Variants in GRXCR2 observed in about 807,000 individuals in gnomAD.
GRXCR2 encodes glutaredoxin domain-containing cysteine-rich protein 2.
GRXCR2 carries 23 observed loss-of-function variants against 24.8 expected under a neutral mutation model. The observed-to-expected ratio is 0.93, with a 90% CI of 0.67 to 1.32. GRXCR2 has a LOEUF of 1.32. GRXCR2 is among the 40% of genes most tolerant of loss of function. The pLI is 0.00. For synonymous variants in GRXCR2, 130 were observed against 116.1 expected (o/e 1.12, Z -0.77); for missense variants, 315 against 303.4 (o/e 1.04, Z -0.28).
chr5:145,911,829 C>T (rs141827190), intron 2 of GRXCR2, among the ~76,000 whole-genome samples: 206 of 152,308 alleles, frequency 1.4e-3, no homozygotes, highest in African/African-American at 4.7e-3. Flanking sequence ...TGGCTCACAC[C>T]TGTAATCCCA....
chr5:145,926,708 C>T (rs1269998680), intron 2 of GRXCR2, among the ~76,000 whole-genome samples: 1 of 152,130 alleles, frequency 6.6e-6, no homozygotes, highest in African/African-American at 2.4e-5. Context: ...CTTGGCAATG[C>T]AGGCTCTTTT....
At chr5:145,891,387 A>G (rs967911080) in intron 2 of GRXCR2, among the ~76,000 whole-genome samples, 1 of 152,188 alleles carries the variant, frequency 6.6e-6, no homozygotes, top group Non-Finnish European at 1.5e-5. Context: ...TTCCTAGTCA[A>G]AGAAAGGGGT....
intron 2 of GRXCR2, among the ~76,000 whole-genome samples, chr5:145,902,390 C>T (rs1387985626): frequency 6.6e-6 from 1 of 152,124 alleles, no homozygotes; most frequent in East Asian, 1.9e-4. Context: ...GAATGTGATC[C>T]AATGTGCCCG....
At chr5:145,911,165 A>G (rs1421094064) in intron 2 of GRXCR2, among the ~76,000 whole-genome samples, 1 of 152,200 alleles carries the variant, frequency 6.6e-6, no homozygotes, top group African/African-American at 2.4e-5. Flanking sequence ...CCACAAATTA[A>G]TGAACACATC....
At chr5:145,878,807 G>T (rs1422921307) in intron 2 of GRXCR2, among the ~76,000 whole-genome samples, 4 of 152,222 alleles carry the variant, frequency 2.6e-5, no homozygotes, top group Non-Finnish European at 4.4e-5. Context: ...GAAAGGTCAG[G>T]TTACCCATAA....
At chr5:145,890,643 G>A (rs1756849715) in intron 2 of GRXCR2, among the ~76,000 whole-genome samples, 1 of 152,124 alleles carries the variant, frequency 6.6e-6, no homozygotes, top group Non-Finnish European at 1.5e-5. Flanking sequence ...GGAAGCAAAA[G>A]AATGATACCT....
chr5:145,921,610 G>T (rs935392128), intron 2 of GRXCR2, among the ~76,000 whole-genome samples: 1 of 152,236 alleles, frequency 6.6e-6, no homozygotes, highest in Admixed American at 6.5e-5. Context: ...GGAATGGGAT[G>T]CATTGCCAGT....
intron 1 of GRXCR2, 70 bp from the exon 2 acceptor site, chr5:145,866,798 C>A: frequency 1.0e-6 from 1 of 956,250 alleles, no homozygotes; most frequent in Non-Finnish European, 1.7e-6. Context: ...AGAACCTGTC[C>A]AACATACCAG....
In GRXCR2 at chr5:145,859,790, C is replaced by T. The variant is rs1756299366; in HGVS notation, c.690G>A (p.Leu230=). ...CATTCTCATTGCAGGCAGGGCACCT[C>T]AGGGCCCGATAGGACTCCTTAAATC... ...ANRFKESYRA[L]RCPACNENGL... is the part of the protein sequence containing the mutation. The change falls in exon 3 of 3, where the codon CTG becomes CTA. Residue 230 remains leucine (L), a synonymous_variant. Transcript: ENST00000377976. The T allele has an allele frequency of 6.2e-7, 1 of 1,614,098 alleles. No homozygotes were observed. Among genetic ancestry groups the T allele is most frequent in the African/African-American group, 1.3e-5 (1 of 74,940 alleles).
At chr5:145,892,579 A>G (rs532749995) in intron 2 of GRXCR2, among the ~76,000 whole-genome samples, 7 of 152,336 alleles carry the variant, frequency 4.6e-5, no homozygotes, top group African/African-American at 1.7e-4. Context: ...AGAAGTTTAG[A>G]GAAAAAAGAA....
chr5:145,866,148 AAAAG>A (rs1363293466), intron 2 of GRXCR2, among the ~76,000 whole-genome samples: 18 of 148,282 alleles, frequency 1.2e-4, no homozygotes, highest in Non-Finnish European at 1.9e-4. Context: ...AAAAAAAAAA[AAAAG>A]AAAGAAAGAA....
chr5:145,884,766 T>C lies in GRXCR2; in HGVS notation c.-69-18038A>G, dbSNP rs1034448005. On this transcript the variant is annotated intron_variant, in intron 2 of 3. Transcript: ENST00000639411. Reference sequence around the variant, plus strand: ...AATTTACATTCCAAGCACTTGGGAGTTGGGAAAAAAAATATTCACAGACAC... The same window carrying C: ...AATTTACATTCCAAGCACTTGGGAGCTGGGAAAAAAAATATTCACAGACAC... Among the ~76,000 whole-genome samples, 17 of 152,004 alleles carry C rather than the reference T, an allele frequency of 1.1e-4. 1 individual carries two copies. Among genetic ancestry groups the C allele is most frequent in the Admixed American group, 7.9e-4 (12 of 15,240 alleles).
intron 2 of GRXCR2, among the ~76,000 whole-genome samples, chr5:145,896,395 C>T (rs1329242360): frequency 6.6e-6 from 1 of 151,916 alleles, no homozygotes; most frequent in Admixed American, 6.6e-5. Context: ...TGACAAAGGG[C>T]TAATATCCAG....
chr5:145,872,403 GGAATTT>G (rs1756546284), intron 1 of GRXCR2, among the ~76,000 whole-genome samples: 2 of 152,164 alleles, frequency 1.3e-5, no homozygotes, highest in South Asian at 4.1e-4. Flanking sequence ...TACCTTGGAT[GGAATTT>G]GAATACTATA....
chr5:145,866,961 ACT>A (rs1265411769), intron 1 of GRXCR2, among the ~76,000 whole-genome samples: 7 of 152,084 alleles, frequency 4.6e-5, no homozygotes, highest in African/African-American at 1.4e-4. Context: ...AAGCTGAACT[ACT>A]CAGAGTATGA....
At chr5:145,891,443 T>C (rs992810914) in intron 2 of GRXCR2, among the ~76,000 whole-genome samples, 1 of 152,158 alleles carries the variant, frequency 6.6e-6, no homozygotes, top group Non-Finnish European at 1.5e-5. Context: ...CCTAATACTG[T>C]ACTTTTCCAA....
chr5:145,864,489 A>T (rs1756394520), intron 2 of GRXCR2, among the ~76,000 whole-genome samples: 1 of 152,076 alleles, frequency 6.6e-6, no homozygotes, highest in African/African-American at 2.4e-5. Flanking sequence ...CTTGAATTGT[A>T]ATCTCCATGT....
intron 2 of GRXCR2, among the ~76,000 whole-genome samples, chr5:145,914,543 G>A (rs116422448): frequency 1.2e-3 from 177 of 151,934 alleles, no homozygotes; most frequent in Admixed American, 2.6e-3. Context: ...AGGCGTGGTG[G>A]TGTGCGCTTA....
At chr5:145,883,103 A>G (rs930579591) in intron 2 of GRXCR2, among the ~76,000 whole-genome samples, 5 of 151,924 alleles carry the variant, frequency 3.3e-5, no homozygotes, top group African/African-American at 9.7e-5. Context: ...GCAAACCAAC[A>G]TGGCACATGT....
Sources: allele counts gnomAD v4.1 joint callset (sites outside exome capture counted in the v4.1 genomes callset), GRCh38; gene constraint gnomAD v4.1.1; transcripts MANE v1.5; gene names NCBI Gene and HGNC (gene_info 2026-07-23, HGNC 2026-07-21).